Variants in MEGF8 observed in about 807,000 individuals in gnomAD.
MEGF8 encodes multiple EGF like domains 8.
In MEGF8, 156 loss-of-function variants were observed where a neutral mutation model predicts 302.9. That is an observed-to-expected ratio of 0.52 (90% CI 0.45 to 0.59). The LOEUF (loss-of-function observed/expected upper bound fraction) is 0.59, where lower values mean the gene tolerates loss of function less well. Ranked by LOEUF, MEGF8 falls within the 20% of genes least tolerant of loss-of-function variation. The pLI is 0.00. For missense variants in MEGF8, 3,345 were observed against 3,964.5 expected (o/e 0.84, Z 4.20); for synonymous variants, 1,621 against 1,660.5 (o/e 0.98, Z 0.58).
chr19:42,329,378 G>C (rs1437303060), intron 1 of MEGF8, among the ~76,000 whole-genome samples: 1 of 152,188 alleles, frequency 6.6e-6, no homozygotes, highest in Non-Finnish European at 1.5e-5. Flanking sequence ...GCTTAGAGGG[G>C]TGGAGAGGTG....
chr19:42,331,344 C>T (rs973631418), intron 1 of MEGF8, among the ~76,000 whole-genome samples: 4 of 152,122 alleles, frequency 2.6e-5, no homozygotes, highest in African/African-American at 9.7e-5. Context: ...AAGGGCTGGC[C>T]CAGGGTCCTC....
chr19:42,353,187 C>T lies in MEGF8; in HGVS notation c.3550+60C>T. On this transcript the variant is annotated intron_variant, in intron 20 of 41. Coordinates refer to ENST00000251268, the MANE Select transcript of MEGF8 (RefSeq NM_001271938.2). The surrounding 1 kb of genome is among the most constrained non-coding windows in gnomAD (Gnocchi z 6.1). ...CAGGGAGCCTCCTCCCTTCTTGGGG[C>T]TCCAGTTTGCTCTTCTTGGAGGGGG... 3 of 1,436,664 alleles carry T rather than the reference C, an allele frequency of 2.1e-6. No homozygotes were observed. In the South Asian group the frequency reaches 3.9e-5, roughly 19 times the overall value. The allele number at this position is 1,436,664 out of a possible 1,614,324, so 89.0% of individuals were successfully genotyped here.
chr19:42,360,978 G>T lies in MEGF8; in HGVS notation c.5692G>T (p.Ala1898Ser). The T allele has an allele frequency of 6.4e-7, 1 of 1,569,208 alleles. No individual in the cohort carries two copies. Among genetic ancestry groups the T allele is most frequent in the Non-Finnish European group, 8.7e-7 (1 of 1,155,668 alleles). The change falls in exon 32 of 42, where the codon GCC becomes TCC. Residue 1898 changes from alanine (A) to serine (S), a missense_variant. By Grantham distance (99) the Ala-to-Ser change is moderately conservative (BLOSUM62 1). Coordinates refer to ENST00000251268, the MANE Select transcript of MEGF8 (RefSeq NM_001271938.2). ...TGGGGCCTGCACCTGGTGCCATGGGGCCTGCTTGTCCGGGGATCAGGCCCA... is the reference window on the plus strand; with the variant it reads ...TGGGGCCTGCACCTGGTGCCATGGGTCCTGCTTGTCCGGGGATCAGGCCCA... ...QSGACTWCHG[A>S]CLSGDQAHRL...
intron 8 of MEGF8, among the ~76,000 whole-genome samples, chr19:42,338,808 T>A (rs1022367648): frequency 1.3e-5 from 2 of 150,942 alleles, no homozygotes; most frequent in Non-Finnish European, 3.0e-5. Context: ...TTTCTTTTTT[T>A]TTTTTTCTTT....
chr19:42,352,747 T>C lies in MEGF8; in HGVS notation c.3351-181T>C. On this transcript the variant is annotated intron_variant, in intron 19 of 41. Transcript: ENST00000251268. The surrounding 1 kb of genome is among the most constrained non-coding windows in gnomAD (Gnocchi z 4.4). ...AGGTTTTCACAGTGGTGCTATGTGGTTGCTATAGAGACAGGCTTGGTGATG... is the reference window on the plus strand; with the variant it reads ...AGGTTTTCACAGTGGTGCTATGTGGCTGCTATAGAGACAGGCTTGGTGATG... The C allele has an allele frequency of 1.6e-6, 1 of 637,016 alleles. No homozygotes were observed. The highest frequency in any genetic ancestry group is 1.9e-5 in the South Asian group (1 of 51,394). 39.5% of individuals were successfully genotyped at this position (637,016 alleles called of 1,614,324 possible).
At chr19:42,339,724 C>T (rs543118813) in intron 8 of MEGF8, among the ~76,000 whole-genome samples, 40 of 152,280 alleles carry the variant, frequency 2.6e-4, no homozygotes, top group African/African-American at 8.2e-4. Context: ...AGATAAGTGA[C>T]AGAGCCAGCA....
In MEGF8 at chr19:42,356,783, G is replaced by A. The variant is rs1294157650; in HGVS notation, c.4632G>A (p.Val1544=). ...GLLGNLYRYS[V]SERRWTQMLA... ...TGCACCCTGGCCCCAGGTACTCAGT[G>A]AGTGAGCGGCGGTGGACACAGATGC... The change falls in exon 27 of 42, where the codon GTG becomes GTA. Residue 1544 remains valine (V), a synonymous_variant. Transcript: ENST00000251268. This position sits in a 1 kb window ranked among gnomAD's most constrained non-coding sequence, Gnocchi z 5.2. 2.6e-6 allele frequency: 4 copies of A among 1,549,930 alleles called. No individual in the cohort carries two copies. The highest frequency in any genetic ancestry group is 3.5e-6 in the Non-Finnish European group (4 of 1,146,130).
chr19:42,343,935 TC>T lies in MEGF8; in HGVS notation c.1669-15del, dbSNP rs1161261276. 1 of 1,610,468 alleles carries T rather than the reference TC, an allele frequency of 6.2e-7. No individual in the cohort carries two copies. Among genetic ancestry groups the T allele is most frequent in the South Asian group, 1.1e-5 (1 of 90,726 alleles). On this transcript the variant is annotated intron_variant, in intron 9 of 41. Transcript: ENST00000251268. ...CTCCGTCCCCTTGCCTCCCCCTCTG[TC>T]CCCTTGCCTCCCTGCAGTACCACTT...
Position 42,352,754 on chromosome 19 carries a change from A to G in MEGF8, c.3351-174A>G. On this transcript the variant is annotated intron_variant, in intron 19 of 41. Transcript: ENST00000251268. This position sits in a 1 kb window ranked among gnomAD's most constrained non-coding sequence, Gnocchi z 4.4. The stretch of plus-strand genomic sequence containing the variant: ...CACAGTGGTGCTATGTGGTTGCTAT[A>G]GAGACAGGCTTGGTGATGCATGGAG... 1 of 641,052 alleles carries G rather than the reference A, an allele frequency of 1.6e-6. No homozygotes were observed. The highest frequency in any genetic ancestry group is 2.7e-5 in the East Asian group (1 of 36,546). The allele number at this position is 641,052 out of a possible 1,614,324, so 39.7% of individuals were successfully genotyped here.
At position 42,351,268 on chromosome 19, in the gene MEGF8, G is replaced by A; in HGVS notation, c.2789G>A (p.Cys930Tyr). Residue 930 changes from cysteine (C) to tyrosine (Y), a missense_variant, in exon 16 of 42, where the codon TGC (cysteine) becomes TAC (tyrosine). Cys to Tyr is a radical substitution (Grantham distance 194). Coordinates refer to ENST00000251268, the MANE Select transcript of MEGF8 (RefSeq NM_001271938.2). The surrounding 1 kb of genome is among the most constrained non-coding windows in gnomAD (Gnocchi z 5.6). ...ACCAGCCGCAAAGGGGACGCGGCAT[G>A]CAGCCGGCGGGGCCGGGGTCGGGGT... ...QSTSRKGDAACSRRGRGRGAL... is the reference protein window; with the variant it reads ...QSTSRKGDAAYSRRGRGRGAL... 6.4e-7 allele frequency: 1 copy of A among 1,573,450 alleles called. No individual in the cohort carries two copies. Among genetic ancestry groups the A allele is most frequent in the Non-Finnish European group, 8.6e-7 (1 of 1,159,076 alleles).
intron 35 of MEGF8, among the ~76,000 whole-genome samples, chr19:42,367,669 C>T (rs2147505159): frequency 6.6e-6 from 1 of 152,142 alleles, no homozygotes; most frequent in East Asian, 1.9e-4. Flanking sequence ...CAGAAGTGCC[C>T]TTAGTGAGGA....
Position 42,352,804 on chromosome 19 carries a change from C to A in MEGF8, c.3351-124C>A. The A allele has an allele frequency of 1.3e-6, 1 of 762,702 alleles. No individual in the cohort carries two copies. The highest frequency in any genetic ancestry group is 2.1e-6 in the Non-Finnish European group (1 of 466,668). 47.2% of individuals were successfully genotyped at this position (762,702 alleles called of 1,614,324 possible). ...GTTACCTTGGAGACAGGGTCACCCA[C>A]ATAGCCCAAAACCATGGAAACAGCC... On this transcript the variant is annotated intron_variant, in intron 19 of 41. Transcript: ENST00000251268. This position sits in a 1 kb window ranked among gnomAD's most constrained non-coding sequence, Gnocchi z 4.4.
Position 42,350,410 on chromosome 19 carries a change from T to C in MEGF8, c.2736+26T>C, listed in dbSNP as rs201303116. Reference sequence around the variant, plus strand: ...GTGCCTGTGGGGCCACCAGGGGAGGTCACAAGGTGGAGGGAGCCACAGCAG... The same window carrying C: ...GTGCCTGTGGGGCCACCAGGGGAGGCCACAAGGTGGAGGGAGCCACAGCAG... On this transcript the variant is annotated intron_variant, in intron 15 of 41. Transcript: ENST00000251268. 50 of 1,475,252 alleles carry C rather than the reference T, an allele frequency of 3.4e-5. No homozygotes were observed. In the East Asian group the frequency reaches 1.2e-3, roughly 35 times the overall value. 91.4% of individuals were successfully genotyped at this position (1,475,252 alleles called of 1,614,324 possible).
chr19:42,336,035 T>TCCACTG lies in MEGF8; in HGVS notation c.934_939dup (p.Pro312_Leu313dup). On this transcript the variant is annotated inframe_insertion, in exon 6 of 42. Transcript: ENST00000251268. This position sits in a 1 kb window ranked among gnomAD's most constrained non-coding sequence, Gnocchi z 4.8. ...TCACCAACGACGTGTGGGCCTTCAGTCCACTGGGCAGGGGCCACTGGGAGC... is the reference window on the plus strand; with the variant it reads ...TCACCAACGACGTGTGGGCCTTCAGTCCACTGCCACTGGGCAGGGGCCACTGGGAGC... 6.4e-7 allele frequency: 1 copy of TCCACTG among 1,570,678 alleles called. No individual in the cohort carries two copies. Among genetic ancestry groups the TCCACTG allele is most frequent in the Non-Finnish European group, 8.6e-7 (1 of 1,161,874 alleles).
At chr19:42,363,483 C>T (rs1006719193) in intron 35 of MEGF8, among the ~76,000 whole-genome samples, 1 of 152,184 alleles carries the variant, frequency 6.6e-6, no homozygotes, top group Non-Finnish European at 1.5e-5. Flanking sequence ...TCTGTGTGTG[C>T]CACTTTCCCA....
In MEGF8 at chr19:42,344,595, C is replaced by T. The variant is rs763206386; in HGVS notation, c.1933+10C>T. 1.5e-4 allele frequency: 235 copies of T among 1,585,852 alleles called. No homozygotes were observed. Among genetic ancestry groups the T allele is most frequent in the African/African-American group, 1.7e-4 (13 of 74,466 alleles). On this transcript the variant is annotated intron_variant, in intron 11 of 41. Transcript: ENST00000251268. This position sits in a 1 kb window ranked among gnomAD's most constrained non-coding sequence, Gnocchi z 4.5. ...TGCCTCCCTAGGCCTGGTGAGTGTC[C>T]GCAGCAGTGGGCCGGCAGGAGGGGG... is the stretch of plus-strand genomic sequence containing the variant.
rs141582110 is a variant in MEGF8, at chr19:42,349,479, ATCAC to A, written c.2299-15_2299-12del. On this transcript the variant is annotated splice_polypyrimidine_tract_variant and intron_variant, in intron 13 of 41. Coordinates refer to ENST00000251268, the MANE Select transcript of MEGF8 (RefSeq NM_001271938.2). ...GGGAAGGGTTCTGAGGCCCCTGCCT[ATCAC>A]TCACACCTACCCCAGGAGGAGGTGG... 7,532 of 1,604,856 alleles carry A rather than the reference ATCAC, an allele frequency of 4.7e-3. 46 individuals carry two copies. Among genetic ancestry groups the A allele is most frequent in the South Asian group, 0.014 (1,257 of 90,516 alleles).
chr19:42,356,078 C>A lies in MEGF8; in HGVS notation c.4393-5C>A, dbSNP rs1324743029. 3.1e-6 allele frequency: 5 copies of A among 1,588,952 alleles called. No individual in the cohort carries two copies. Among genetic ancestry groups the A allele is most frequent in the Non-Finnish European group, 4.3e-6 (5 of 1,164,464 alleles). ...GGCTCCCCTGAGTCCCTTGTCATCC[C>A]CCAGAGCCTGGGTGTGTGCATCTGT... On this transcript the variant is annotated splice_region_variant and splice_polypyrimidine_tract_variant and intron_variant, in intron 24 of 41. Transcript: ENST00000251268. This position sits in a 1 kb window ranked among gnomAD's most constrained non-coding sequence, Gnocchi z 5.2.
In MEGF8 at chr19:42,357,103, G is replaced by A. The variant is rs936067152; in HGVS notation, c.4830+122G>A. 6.5e-5 allele frequency: 70 copies of A among 1,070,436 alleles called. No homozygotes were observed. The highest frequency in any genetic ancestry group is 8.2e-5 in the Non-Finnish European group (62 of 755,600). 66.3% of individuals were successfully genotyped at this position (1,070,436 alleles called of 1,614,324 possible). On this transcript the variant is annotated intron_variant, in intron 27 of 41. Transcript: ENST00000251268. The surrounding 1 kb of genome is among the most constrained non-coding windows in gnomAD (Gnocchi z 5.2). ...AGAAGCCCCAAACTTGAATTTCCTC[G>A]GCCATCCTGGGTCACACTGTTGTCC...
Sources: gnomAD v4.1 joint callset for allele counts (sites outside exome capture counted in the v4.1 genomes callset) on GRCh38, gnomAD v4.1.1 for gene constraint, Gnocchi (gnomAD v3.1) non-coding constraint, MANE v1.5 for transcripts, NCBI Gene and HGNC (gene_info 2026-07-23, HGNC 2026-07-21) for gene names.